Variants in ST8SIA4 observed in about 807,000 individuals in gnomAD.
ST8SIA4 encodes the protein CMP-N-acetylneuraminate-poly-alpha-2,8-sialyltransferase.
In ST8SIA4, 15 loss-of-function variants were observed where a neutral mutation model predicts 33.9. The observed-to-expected ratio is 0.44, with a 90% CI of 0.30 to 0.68. The LOEUF (loss-of-function observed/expected upper bound fraction) is 0.68. Among genes scored for constraint, ST8SIA4 ranks in the 30% least tolerant of loss-of-function variants. The probability of loss-of-function intolerance (pLI) is 0.10; values close to 1 mark genes in which losing one functional copy is unlikely to be tolerated. For synonymous variants in ST8SIA4, 171 were observed against 151.2 expected (o/e 1.13, Z -0.96); for missense variants, 321 against 428.0 (o/e 0.75, Z 2.21).
intron 4 of ST8SIA4, chr5:100,816,612 A>C (rs781048111): frequency 2.0e-6 from 1 of 506,184 alleles, no homozygotes; most frequent in Admixed American, 2.4e-5. Context: ...CCAAAAATCA[A>C]ATGTGACAAT....
chr5:100,862,058 G>T (rs906349837), intron 3 of ST8SIA4, among the ~76,000 whole-genome samples: 1 of 152,186 alleles, frequency 6.6e-6, no homozygotes, highest in Non-Finnish European at 1.5e-5. Context: ...GAGCAACAGC[G>T]TAAGGAAGCC....
intron 4 of ST8SIA4, among the ~76,000 whole-genome samples, chr5:100,835,358 C>T (rs1021712417): frequency 1.3e-5 from 2 of 152,014 alleles, no homozygotes; most frequent in Non-Finnish European, 2.9e-5. Context: ...AAGTTATACT[C>T]ACATGAAAGT....
At chr5:100,826,917 A>AAT (rs1047177735) in intron 4 of ST8SIA4, among the ~76,000 whole-genome samples, 1 of 149,530 alleles carries the variant, frequency 6.7e-6, no homozygotes, top group African/African-American at 2.4e-5. Flanking sequence ...CACATATGTA[A>AAT]ATATATATAT....
chr5:100,833,894 T>C (rs1200382144), intron 4 of ST8SIA4, among the ~76,000 whole-genome samples: 1 of 152,132 alleles, frequency 6.6e-6, no homozygotes, highest in Admixed American at 6.6e-5. Context: ...TATAATTTCC[T>C]AATAACAATA....
intron 1 of ST8SIA4, among the ~76,000 whole-genome samples, chr5:100,898,434 A>T (rs1044149507): frequency 6.6e-6 from 1 of 152,226 alleles, no homozygotes; most frequent in Non-Finnish European, 1.5e-5. Context: ...TCCAAGATTT[A>T]AAAAGTTTAA....
At chr5:100,884,811 T>G (rs1182923676) in intron 3 of ST8SIA4, among the ~76,000 whole-genome samples, 5 of 152,202 alleles carry the variant, frequency 3.3e-5, no homozygotes. Context: ...ATTACCCACA[T>G]GTAAAAGCAG....
chr5:100,832,547 G>A (rs1352758739), intron 4 of ST8SIA4, among the ~76,000 whole-genome samples: 1 of 152,014 alleles, frequency 6.6e-6, no homozygotes, highest in Non-Finnish European at 1.5e-5. Context: ...GTTAATGTAG[G>A]TTACTGCACT....
chr5:100,885,681 T>C (rs1580482125), intron 3 of ST8SIA4: 1 of 941,400 alleles, frequency 1.1e-6, no homozygotes, highest in East Asian at 1.2e-4. Context: ...TATGATGTGA[T>C]TATAATTCCA....
intron 4 of ST8SIA4, among the ~76,000 whole-genome samples, chr5:100,814,009 C>G (rs893225327): frequency 1.3e-5 from 2 of 151,980 alleles, no homozygotes; most frequent in African/African-American, 4.8e-5. Context: ...AGACTTCTTA[C>G]TATCAACAAA....
rs1752768069 is a variant in ST8SIA4, at chr5:100,895,801, A to AT, written c.114-17dup. On this transcript the variant is annotated splice_polypyrimidine_tract_variant and intron_variant, in intron 1 of 4. Transcript: ENST00000231461. ...TTCACCATCTCTGAAACAAAACAAA[A>AT]TTGCCAGCTTTGTGAAAGTAAGAAA... 1 of 1,610,896 alleles carries AT rather than the reference A, an allele frequency of 6.2e-7. No homozygotes were observed. Among genetic ancestry groups the AT allele is most frequent in the African/African-American group, 1.3e-5 (1 of 74,748 alleles).
chr5:100,819,404 T>C (rs1750993750), intron 4 of ST8SIA4, among the ~76,000 whole-genome samples: 1 of 152,232 alleles, frequency 6.6e-6, no homozygotes, highest in African/African-American at 2.4e-5. Context: ...TTTTTATTCC[T>C]GCCATAAAGG....
At chr5:100,885,722 G>A (rs1004442441) in intron 3 of ST8SIA4, 1 of 941,950 alleles carries the variant, frequency 1.1e-6, no homozygotes, top group Non-Finnish European at 1.3e-6. Flanking sequence ...TCAGTTAATA[G>A]GTTAATCAAA....
intron 4 of ST8SIA4, among the ~76,000 whole-genome samples, chr5:100,833,189 C>G (rs1751295951): frequency 6.6e-6 from 1 of 152,082 alleles, no homozygotes; most frequent in African/African-American, 2.4e-5. Flanking sequence ...AGAGATTAAA[C>G]TAACTGATCT....
intron 4 of ST8SIA4, among the ~76,000 whole-genome samples, chr5:100,814,598 A>C (rs1561382235): frequency 6.6e-6 from 1 of 151,970 alleles, no homozygotes; most frequent in Non-Finnish European, 1.5e-5. Flanking sequence ...AAAATACCTT[A>C]AATCAGGTCA....
At chr5:100,860,359 A>G (rs1229691746) in intron 3 of ST8SIA4, among the ~76,000 whole-genome samples, 1 of 152,138 alleles carries the variant, frequency 6.6e-6, no homozygotes, top group Non-Finnish European at 1.5e-5. Flanking sequence ...ATAGGAACCA[A>G]TGTCTTCTCT....
chr5:100,842,773 TAAGA>T (rs1334787318), intron 4 of ST8SIA4, among the ~76,000 whole-genome samples: 1 of 151,742 alleles, frequency 6.6e-6, no homozygotes, highest in African/African-American at 2.4e-5. Context: ...TTACTTTAAT[TAAGA>T]TTCACCAGTG....
intron 4 of ST8SIA4, among the ~76,000 whole-genome samples, chr5:100,825,359 T>C (rs1751119474): frequency 6.6e-6 from 1 of 152,196 alleles, no homozygotes; most frequent in African/African-American, 2.4e-5. Context: ...TTTTATATAT[T>C]AACATTAAAC....
In ST8SIA4 at chr5:100,810,566, A is replaced by C. The variant is rs181006190; in HGVS notation, c.*1281T>G. 6.6e-6 allele frequency: 1 copy of C among 152,396 alleles called. No individual in the cohort carries two copies. Among genetic ancestry groups the C allele is most frequent in the East Asian group, 1.9e-4 (1 of 5,190 alleles). The allele number at this position is 152,396 out of a possible 1,614,324, so 9.4% of individuals were successfully genotyped here. A position where few individuals can be genotyped will look rare whatever the true frequency, so the allele number is the denominator to read the frequency against. On this transcript the variant is annotated 3_prime_UTR_variant, in exon 5 of 5. Coordinates refer to ENST00000231461, the MANE Select transcript of ST8SIA4 (RefSeq NM_005668.6). ...TTATGTAATGCAAAAGGTGTGAAAA[A>C]CATTTCAAATGAAAATAAAGTATGA...
rs1001196782 is a variant in ST8SIA4 at position 100,866,944 on chromosome 5, T to G, written c.504-10548A>C. 9.2e-5 allele frequency among the ~76,000 whole-genome samples: 14 copies of G among 152,130 alleles called. No individual in the cohort carries two copies. In the East Asian group the frequency reaches 9.6e-4, roughly 10 times the overall value. Reference sequence around the variant, plus strand: ...TGTTACACTACATGAATTGTCAAGATAATTTAAATATGACATATTAATTTC... The same window carrying G: ...TGTTACACTACATGAATTGTCAAGAGAATTTAAATATGACATATTAATTTC... On this transcript the variant is annotated intron_variant, in intron 3 of 4. Coordinates refer to ENST00000231461, the MANE Select transcript of ST8SIA4 (RefSeq NM_005668.6).
Sources: allele counts gnomAD v4.1 joint callset (sites outside exome capture counted in the v4.1 genomes callset), GRCh38; gene constraint gnomAD v4.1.1; transcripts MANE v1.5; gene names NCBI Gene and HGNC (gene_info 2026-07-23, HGNC 2026-07-21).